Variants in NPSR1 observed in about 807,000 individuals in gnomAD.
NPSR1 encodes neuropeptide S receptor.
In NPSR1, 48 loss-of-function variants were observed where a neutral mutation model predicts 46.9. The observed-to-expected ratio is 1.02, with a 90% confidence interval of 0.81 to 1.30. NPSR1 has a LOEUF of 1.30. Ranked by LOEUF, NPSR1 falls within the 50% of genes most tolerant of loss-of-function variation. NPSR1 has a pLI of 0.00. For synonymous variants in NPSR1, 176 were observed against 168.1 expected (o/e 1.05, Z -0.36); for missense variants, 450 against 449.5 (o/e 1.00, Z -0.01).
At chr7:34,686,960 C>CAAAAAAAAAAAAAAAA (rs66886501) in intron 2 of NPSR1, among the ~76,000 whole-genome samples, 1 of 94,206 alleles carries the variant, frequency 1.1e-5, no homozygotes, top group Non-Finnish European at 2.2e-5. Context: ...GACTCCGTCT[C>CAAAAAAAAAAAAAAAA]AAAAAAAAAA....
At chr7:34,817,576 C>G (rs1385132480) in intron 4 of NPSR1, among the ~76,000 whole-genome samples, 1 of 119,178 alleles carries the variant, frequency 8.4e-6, no homozygotes, top group Admixed American at 9.1e-5. Flanking sequence ...ATAAGGCCAG[C>G]ATCATCCTGA....
At chr7:34,671,566 GA>G (rs1481977865) in intron 1 of NPSR1, among the ~76,000 whole-genome samples, 6 of 152,190 alleles carry the variant, frequency 3.9e-5, no homozygotes, top group Non-Finnish European at 8.8e-5. Flanking sequence ...GACAGCCAAT[GA>G]AAACCAAGGC....
chr7:34,718,518 G>A (rs367655312), intron 2 of NPSR1, among the ~76,000 whole-genome samples: 54 of 152,274 alleles, frequency 3.5e-4, no homozygotes, highest in African/African-American at 1.3e-3. Context: ...TAGGTGATTG[G>A]GCTGTTCTGA....
intron 2 of NPSR1, among the ~76,000 whole-genome samples, chr7:34,717,897 C>T (rs193103341): frequency 6.6e-5 from 10 of 152,346 alleles, no homozygotes; most frequent in Admixed American, 2.6e-4. Context: ...CTTCTCTTTA[C>T]TCAAAGGATC....
intron 8 of NPSR1, among the ~76,000 whole-genome samples, chr7:34,858,861 C>T (rs2040853): frequency 0.29 from 44,047 of 151,286 alleles, 6,972 homozygotes; most frequent in Middle Eastern, 0.37. Flanking sequence ...AGGATGAGAT[C>T]TGGGGGGGGG....
At chr7:34,739,607 G>T (rs77574300) in intron 2 of NPSR1, among the ~76,000 whole-genome samples, 1 of 152,158 alleles carries the variant, frequency 6.6e-6, no homozygotes, top group Non-Finnish European at 1.5e-5. Flanking sequence ...TTCCCTTGAT[G>T]TAGTACTCTC....
intron 2 of NPSR1, among the ~76,000 whole-genome samples, chr7:34,769,996 T>C (rs1300103339): frequency 1.3e-5 from 2 of 152,220 alleles, no homozygotes; most frequent in Non-Finnish European, 2.9e-5. Context: ...CTGATCAGCA[T>C]TGAACATCAT....
At chr7:34,787,341 T>C (rs771299940) in intron 3 of NPSR1, among the ~76,000 whole-genome samples, 16 of 152,048 alleles carry the variant, frequency 1.1e-4, no homozygotes, top group South Asian at 2.1e-4. Context: ...GTGAAGAGAG[T>C]TTAAGAACTT....
intron 8 of NPSR1, among the ~76,000 whole-genome samples, chr7:34,856,877 G>T (rs1405492072): frequency 4.6e-5 from 7 of 151,512 alleles, no homozygotes; most frequent in Admixed American, 1.3e-4. Flanking sequence ...TCCCTGGTAA[G>T]AGAACTGAAA....
At chr7:34,743,461 G>A (rs1234445604) in intron 2 of NPSR1, among the ~76,000 whole-genome samples, 1 of 148,304 alleles carries the variant, frequency 6.7e-6, no homozygotes, top group East Asian at 2.0e-4. Flanking sequence ...TTTTTTTGTA[G>A]ATGGAGTCTC....
chr7:34,743,436 CTCTG>C (rs1377453901), intron 2 of NPSR1, among the ~76,000 whole-genome samples: 4 of 150,124 alleles, frequency 2.7e-5, no homozygotes, highest in Admixed American at 1.3e-4. Context: ...TTCTCTCTCT[CTCTG>C]TCTTCTTTTT....
At chr7:34,847,573 T>C (rs1281071165) in intron 7 of NPSR1, among the ~76,000 whole-genome samples, 1 of 152,086 alleles carries the variant, frequency 6.6e-6, no homozygotes, top group African/African-American at 2.4e-5. Flanking sequence ...TGGGGTACAT[T>C]TCAGTTTGAT....
chr7:34,747,391 G>A (rs544787358), intron 2 of NPSR1, among the ~76,000 whole-genome samples: 2 of 152,118 alleles, frequency 1.3e-5, no homozygotes, highest in African/African-American at 4.8e-5. Context: ...CCACTTGTGG[G>A]TCTCTGCACC....
At chr7:34,695,262 A>T (rs1439936864) in intron 2 of NPSR1, among the ~76,000 whole-genome samples, 1 of 152,218 alleles carries the variant, frequency 6.6e-6, no homozygotes, top group South Asian at 2.1e-4. Flanking sequence ...TTGGCTAGCC[A>T]TATGCAGAAG....
intron 3 of NPSR1, among the ~76,000 whole-genome samples, chr7:34,802,407 C>T (rs901412675): frequency 6.7e-5 from 10 of 149,830 alleles, no homozygotes; most frequent in Middle Eastern, 3.4e-3. Flanking sequence ...TCAGAAATAA[C>T]GCCGCATATC....
chr7:34,849,491 T>C lies in NPSR1; in HGVS notation c.1026-74T>C. The C allele has an allele frequency of 1.1e-5, 18 of 1,603,164 alleles. 1 individual carries two copies. The South Asian group carries it at 1.8e-4, about 16-fold the overall frequency. ...TTTAATACATTTTTCATAACTATTG[T>C]CTCTTAACATGTCTACTTGCCTTTT... is the stretch of plus-strand genomic sequence containing the variant. On this transcript the variant is annotated intron_variant, in intron 8 of 8. Transcript: ENST00000360581.
intron 3 of NPSR1, among the ~76,000 whole-genome samples, chr7:34,791,244 TTA>T (rs1257200295): frequency 7.2e-6 from 1 of 138,402 alleles, no homozygotes; most frequent in Non-Finnish European, 1.5e-5. Flanking sequence ...ATTATATATG[TTA>T]TATGTTATAT....
Position 34,684,614 on chromosome 7 carries a change from G to C in NPSR1, c.210G>C (p.Val70=), listed in dbSNP as rs747128487. 1 of 1,613,674 alleles carries C rather than the reference G, an allele frequency of 6.2e-7. No individual in the cohort carries two copies. Among genetic ancestry groups the C allele is most frequent in the Non-Finnish European group, 8.5e-7 (1 of 1,179,768 alleles). The change falls in exon 2 of 9, where the codon GTG becomes GTC. Residue 70 remains valine, a synonymous_variant. Coordinates refer to ENST00000360581, the MANE Select transcript of NPSR1 (RefSeq NM_207172.2). The stretch of plus-strand genomic sequence containing the variant: ...TTACCATTGTTGGAAACTCCGTTGT[G>C]CTTTTTTCCACATGGAGGAGAAAGA... ...FVFTIVGNSV[V]LFSTWRRKKK... is the part of the protein sequence containing the mutation.
At chr7:34,693,622 A>T (rs1435212694) in intron 2 of NPSR1, among the ~76,000 whole-genome samples, 1 of 152,178 alleles carries the variant, frequency 6.6e-6, no homozygotes, top group Admixed American at 6.5e-5. Context: ...ATGTGAAGCA[A>T]TTCCTAACTG....
Sources: allele counts gnomAD v4.1 joint callset (sites outside exome capture counted in the v4.1 genomes callset), GRCh38; gene constraint gnomAD v4.1.1; transcripts MANE v1.5; gene names NCBI Gene and HGNC (gene_info 2026-07-23, HGNC 2026-07-21).